ADCY2: variants seen among roughly 807,000 people sequenced by gnomAD.
ADCY2 encodes the protein adenylate cyclase type 2.
A neutral mutation model predicts 125.2 loss-of-function variants in ADCY2; 31 were observed. The observed-to-expected ratio is 0.25, with a 90% CI of 0.19 to 0.33. The LOEUF (loss-of-function observed/expected upper bound fraction) is 0.33. Ranked by LOEUF, ADCY2 falls within the 10% of genes least tolerant of loss-of-function variation. The pLI is 1.00. For missense variants in ADCY2, 904 were observed against 1,418.2 expected (o/e 0.64, Z 5.82); for synonymous variants, 512 against 548.4 (o/e 0.93, Z 0.93).
chr5:7,681,003 T>C (rs1471612906), intron 4 of ADCY2, among the ~76,000 whole-genome samples: 2 of 152,194 alleles, frequency 1.3e-5, no homozygotes, highest in African/African-American at 2.4e-5. Context: ...GTGTAGAAAA[T>C]TGATAGCCAA....
In ADCY2 at chr5:7,589,504, A is replaced by G. The variant is rs1374083281; in HGVS notation, c.571-36663A>G. 5.3e-3 allele frequency among the ~76,000 whole-genome samples: 374 copies of G among 70,642 alleles called. 2 individuals are homozygous for G. Among genetic ancestry groups the G allele is most frequent in the Non-Finnish European group, 0.01 (279 of 27,530 alleles). The allele number at this position is 70,642 out of a possible 152,430, so 46.3% of individuals were successfully genotyped here. A position where few individuals can be genotyped will look rare whatever the true frequency, so the allele number is the denominator to read the frequency against. On this transcript the variant is annotated intron_variant, in intron 3 of 24. Transcript: ENST00000338316. ...AAAGAAAGAAAGAAAGAAAGAAAGA[A>G]AGAAAGAAAAGAAAAGAAAGAGAAA... is the stretch of plus-strand genomic sequence containing the variant.
rs374548041 is a variant in ADCY2 at position 7,455,798 on chromosome 5, CTTA to C, written c.408+41036_408+41038del. Reference sequence around the variant, plus strand: ...CTATATATTATATAACACATATATTCTTATTATTATAATATATTTAATTATAAT... The same window carrying C: ...CTATATATTATATAACACATATATTCTTATTATAATATATTTAATTATAAT... On this transcript the variant is annotated intron_variant, in intron 2 of 24. Transcript: ENST00000338316. Among the ~76,000 whole-genome samples, 225 of 142,296 alleles carry C rather than the reference CTTA, an allele frequency of 1.6e-3. 2 individuals carry two copies. Among genetic ancestry groups the C allele is most frequent in the South Asian group, 0.011 (51 of 4,478 alleles). The allele number at this position is 142,296 out of a possible 152,430, so 93.4% of individuals were successfully genotyped here. A position where few individuals can be genotyped will look rare whatever the true frequency, so the allele number is the denominator to read the frequency against.
rs59972940 is a variant in ADCY2 at position 7,484,917 on chromosome 5, A to G, written c.409-35821A>G. 1.7e-3 allele frequency among the ~76,000 whole-genome samples: 260 copies of G among 152,050 alleles called. 2 individuals are homozygous for G. Among genetic ancestry groups the G allele is most frequent in the East Asian group, 0.014 (71 of 5,172 alleles). The stretch of plus-strand genomic sequence containing the variant: ...ATTCCTCTCTTCTCATTGATAACAA[A>G]CTCTTTGAAAGAATTGTCTGTGCTC... On this transcript the variant is annotated intron_variant, in intron 2 of 24. Transcript: ENST00000338316.
At chr5:7,792,237 A>AG (rs1744272910) in intron 20 of ADCY2, among the ~76,000 whole-genome samples, 1 of 127,316 alleles carries the variant, frequency 7.9e-6, no homozygotes, top group African/African-American at 2.7e-5. Flanking sequence ...AAAAAAAAAA[A>AG]AAAAAAAATT....
At chr5:7,483,313 T>C (rs1283717391) in intron 2 of ADCY2, among the ~76,000 whole-genome samples, 2 of 152,058 alleles carry the variant, frequency 1.3e-5, no homozygotes, top group East Asian at 3.9e-4. Context: ...CGAAAAATTT[T>C]GAGAGTAGTC....
chr5:7,610,252 C>T (rs958883757), intron 3 of ADCY2, among the ~76,000 whole-genome samples: 8 of 152,318 alleles, frequency 5.3e-5, no homozygotes, highest in Admixed American at 3.9e-4. Context: ...GAGAAGTAGA[C>T]CTGGGCAGTG....
At chr5:7,539,346 G>C (rs1371046962) in intron 3 of ADCY2, among the ~76,000 whole-genome samples, 1 of 147,366 alleles carries the variant, frequency 6.8e-6, no homozygotes, top group African/African-American at 2.5e-5. Flanking sequence ...CTACCAAAAT[G>C]CATGGGATTA....
chr5:7,511,212 A>G (rs532382257), intron 2 of ADCY2, among the ~76,000 whole-genome samples: 1 of 152,336 alleles, frequency 6.6e-6, no homozygotes, highest in Admixed American at 6.5e-5. Context: ...AAGACAGAAG[A>G]TAAAAATTTT....
chr5:7,690,353 A>G (rs969511494), intron 4 of ADCY2, among the ~76,000 whole-genome samples: 2 of 152,226 alleles, frequency 1.3e-5, no homozygotes, highest in Non-Finnish European at 2.9e-5. Flanking sequence ...TCTTAGACTG[A>G]CCAGTGATTT....
chr5:7,656,313 C>T lies in ADCY2; in HGVS notation c.720+29997C>T, dbSNP rs566633689. ...AGGTGATCTGTCTGCCTCAGCCTTC[C>T]GAAGTGCTGGGGTTACAGGCGTGAG... On this transcript the variant is annotated intron_variant, in intron 4 of 24. Transcript: ENST00000338316. Among the ~76,000 whole-genome samples the T allele has an allele frequency of 8.5e-5, 13 of 152,312 alleles. No individual in the cohort carries two copies. In the South Asian group the frequency reaches 2.1e-3, roughly 24 times the overall value.
At chr5:7,646,330 A>AAT (rs200577244) in intron 4 of ADCY2, among the ~76,000 whole-genome samples, 312 of 149,110 alleles carry the variant, frequency 2.1e-3, no homozygotes, top group African/African-American at 6.6e-3. Flanking sequence ...TATATAAAGA[A>AAT]ATATATATAT....
intron 2 of ADCY2, among the ~76,000 whole-genome samples, chr5:7,505,978 G>A (rs773296487): frequency 2.7e-5 from 4 of 150,132 alleles, no homozygotes; most frequent in Non-Finnish European, 4.4e-5. Context: ...TTTTTTTTAT[G>A]AAGACCTTAC....
chr5:7,448,706 C>T (rs1345143007), intron 2 of ADCY2, among the ~76,000 whole-genome samples: 1 of 152,128 alleles, frequency 6.6e-6, no homozygotes, highest in Non-Finnish European at 1.5e-5. Context: ...CATTCAGCTC[C>T]CACTTATAAG....
At chr5:7,404,800 C>T (rs1042721813) in intron 1 of ADCY2, among the ~76,000 whole-genome samples, 2 of 152,152 alleles carry the variant, frequency 1.3e-5, no homozygotes, top group South Asian at 2.1e-4. Flanking sequence ...CCCCATGCAT[C>T]GGCTGGGGTG....
chr5:7,499,683 GTA>G (rs1743492060), intron 2 of ADCY2, among the ~76,000 whole-genome samples: 1 of 91,860 alleles, frequency 1.1e-5, no homozygotes, highest in Non-Finnish European at 2.3e-5. Flanking sequence ...ATATATATAT[GTA>G]TATATATGTG....
chr5:7,639,021 T>C (rs1047606682), intron 4 of ADCY2, among the ~76,000 whole-genome samples: 2 of 152,142 alleles, frequency 1.3e-5, no homozygotes, highest in African/African-American at 4.8e-5. Flanking sequence ...GATTTGCTTC[T>C]CCTTGCTTTC....
intron 13 of ADCY2, 58 bp downstream of exon 13, chr5:7,724,672 C>G: frequency 7.9e-7 from 1 of 1,261,176 alleles, no homozygotes; most frequent in Non-Finnish European, 1.1e-6. Context: ...TGAATTTCTT[C>G]ATGAAATTGT....
At chr5:7,414,198 T>G (rs1386086305) in intron 1 of ADCY2, among the ~76,000 whole-genome samples, 3 of 152,246 alleles carry the variant, frequency 2.0e-5, no homozygotes, top group Non-Finnish European at 2.9e-5. Context: ...GATAGTTTTC[T>G]AAGGCCGGGG....
intron 18 of ADCY2, among the ~76,000 whole-genome samples, chr5:7,781,930 G>C (rs1743933948): frequency 6.6e-6 from 1 of 152,106 alleles, no homozygotes; most frequent in South Asian, 2.1e-4. Flanking sequence ...ATCCACAAGT[G>C]GCCCACACAA....
Sources: gnomAD v4.1 joint callset for allele counts (sites outside exome capture counted in the v4.1 genomes callset) on GRCh38, gnomAD v4.1.1 for gene constraint, MANE v1.5 for transcripts, NCBI Gene and HGNC (gene_info 2026-07-23, HGNC 2026-07-21) for gene names.